TTC34: variants seen among roughly 807,000 people sequenced by gnomAD.
TTC34 encodes tetratricopeptide repeat protein 34.
In TTC34, 44 loss-of-function variants were observed where a neutral mutation model predicts 40.7. That is an observed-to-expected ratio of 1.08 (90% CI 0.85 to 1.39). The LOEUF (loss-of-function observed/expected upper bound fraction) is 1.39. Among genes scored for constraint, TTC34 ranks in the 40% most tolerant of loss-of-function variants. The pLI is 0.00. For synonymous variants in TTC34, 422 were observed against 398.6 expected (o/e 1.06, Z -0.70); for missense variants, 884 against 838.0 (o/e 1.05, Z -0.68).
rs928852778 is a variant in TTC34, at chr1:2,799,156, G to A, written c.784+888C>T. Among the ~76,000 whole-genome samples, 911 of 117,858 alleles carry A rather than the reference G, an allele frequency of 7.7e-3. 10 individuals carry two copies. The highest frequency in any genetic ancestry group is 0.027 in the African/African-American group (835 of 31,200). The allele number at this position is 117,858 out of a possible 152,430, so 77.3% of individuals were successfully genotyped here. A position where few individuals can be genotyped will look rare whatever the true frequency, so the allele number is the denominator to read the frequency against. Reference sequence around the variant, plus strand: ...CAGCCTCCCAGCCTCCTAGCCTCCCGGCCCCCCAGCCTCCCAGCCTCCCAG... The same window carrying A: ...CAGCCTCCCAGCCTCCTAGCCTCCCAGCCCCCCAGCCTCCCAGCCTCCCAG... On this transcript the variant is annotated intron_variant, in intron 2 of 8. Transcript: ENST00000401095.
intron 5 of TTC34, 93 bp downstream of exon 5, chr1:2,785,726 T>A: frequency 7.3e-7 from 1 of 1,364,572 alleles, no homozygotes; most frequent in Non-Finnish European, 9.8e-7. Flanking sequence ...CTGGGGAGCA[T>A]GCGTGTCCCC....
intron 2 of TTC34, among the ~76,000 whole-genome samples, chr1:2,797,243 G>A (rs1183170843): frequency 5.3e-5 from 8 of 151,882 alleles, no homozygotes; most frequent in Non-Finnish European, 1.0e-4. Flanking sequence ...CCACCCACTA[G>A]CTGTTCAGTA....
chr1:2,767,810 C>G (rs890278341), intron 6 of TTC34, among the ~76,000 whole-genome samples: 1 of 150,950 alleles, frequency 6.6e-6, no homozygotes, highest in Non-Finnish European at 1.5e-5. Flanking sequence ...CCCACACTCC[C>G]AGGTGAGCAT....
chr1:2,642,040 C>T (rs958490110), intron 8 of TTC34, 145 bp from the exon 9 acceptor site: 5 of 941,940 alleles, frequency 5.3e-6, no homozygotes, highest in Non-Finnish European at 7.5e-6. Context: ...AGGAGCTGCC[C>T]GCTGCTTCTG....
intron 6 of TTC34, among the ~76,000 whole-genome samples, chr1:2,675,198 C>A (rs1375486702): frequency 2.7e-5 from 4 of 148,954 alleles, no homozygotes; most frequent in Admixed American, 6.7e-5. Flanking sequence ...GCAGCACCGA[C>A]AACCCCAGGT....
At chr1:2,748,883 T>G (rs1298655764) in intron 6 of TTC34, among the ~76,000 whole-genome samples, 7 of 4,694 alleles carry the variant, frequency 1.5e-3, no homozygotes, top group East Asian at 9.4e-3. Context: ...ACCCACACCT[T>G]CAGGTGAGCA....
At chr1:2,778,458 C>A (rs1044669421) in intron 6 of TTC34, among the ~76,000 whole-genome samples, 1 of 152,196 alleles carries the variant, frequency 6.6e-6, no homozygotes, top group Non-Finnish European at 1.5e-5. Context: ...CCCTGCCGTG[C>A]ATCCTGTTGA....
chr1:2,681,931 G>A (rs61763513), intron 6 of TTC34, among the ~76,000 whole-genome samples: 1 of 116,150 alleles, frequency 8.6e-6, no homozygotes, highest in Non-Finnish European at 1.8e-5. Context: ...TGACAGCCTG[G>A]AACAGCACCA....
rs923022490 is a variant in TTC34 at position 2,644,206 on chromosome 1, C to G, written c.2712+58G>C. ...CTGCCCCAGTGGTGGGCCCGGGGGT[C>G]TCATGCCTGTGTGCTGGGGAAGGTT... On this transcript the variant is annotated intron_variant, in intron 8 of 8. Coordinates refer to ENST00000401095, the Ensembl canonical transcript of TTC34. The G allele has an allele frequency of 2.7e-6, 4 of 1,488,258 alleles. No individual in the cohort carries two copies. The South Asian group carries it at 3.7e-5, about 14-fold the overall frequency. The allele number at this position is 1,488,258 out of a possible 1,614,324, so 92.2% of individuals were successfully genotyped here. A position where few individuals can be genotyped will look rare whatever the true frequency, so the allele number is the denominator to read the frequency against.
intron 4 of TTC34, 139 bp downstream of exon 4, chr1:2,787,342 G>A: frequency 1.5e-6 from 1 of 684,292 alleles, no homozygotes; most frequent in Non-Finnish European, 2.2e-6. Flanking sequence ...TGCAGCAGGT[G>A]CAGAGCTGGG....
chr1:2,657,370 A>T (rs1188549443), intron 6 of TTC34, among the ~76,000 whole-genome samples: 1 of 95,740 alleles, frequency 1.0e-5, no homozygotes, highest in African/African-American at 3.1e-5. Context: ...AACTTGGAGC[A>T]GCACCCACAC....
intron 6 of TTC34, among the ~76,000 whole-genome samples, chr1:2,750,163 C>G (rs1372529169): frequency 3.5e-4 from 39 of 112,082 alleles, no homozygotes; most frequent in African/African-American, 6.8e-4. Flanking sequence ...AGAACAAACA[C>G]CCCCAGGCGA....
chr1:2,655,020 TGAGCA>T (rs1639291916), intron 6 of TTC34, among the ~76,000 whole-genome samples: 1 of 84,258 alleles, frequency 1.2e-5, no homozygotes. Flanking sequence ...CAACCCCAGG[TGAGCA>T]TCTGACAGCC....
intron 6 of TTC34, among the ~76,000 whole-genome samples, chr1:2,781,579 G>A (rs1643484008): frequency 1.3e-5 from 2 of 152,178 alleles, no homozygotes; most frequent in Admixed American, 6.5e-5. Context: ...AAGTGCAAAA[G>A]CAATCATCCT....
exon 2 of TTC34, chr1:2,800,790 C>T (rs533722362): frequency 1.8e-3 from 709 of 398,642 alleles, no homozygotes; most frequent in Non-Finnish European, 2.7e-3. Context: ...CTCCCCCTCC[C>T]GGCAGAGGCA....
At chr1:2,698,664 GCC>G (rs1640981092) in intron 6 of TTC34, among the ~76,000 whole-genome samples, 3 of 59,678 alleles carry the variant, frequency 5.0e-5, no homozygotes, top group African/African-American at 1.6e-4. Flanking sequence ...GCCAGCATCC[GCC>G]AGCCTGGAAC....
chr1:2,786,359 G>A (rs945151270), intron 4 of TTC34, among the ~76,000 whole-genome samples: 1 of 152,220 alleles, frequency 6.6e-6, no homozygotes, highest in Non-Finnish European at 1.5e-5. Context: ...CGTGTGTTGC[G>A]ATGTGGCCAT....
intron 6 of TTC34, chr1:2,776,379 C>A (rs540397951): frequency 1.4e-5 from 2 of 139,832 alleles, no homozygotes; most frequent in Non-Finnish European, 3.0e-5. Flanking sequence ...GGTGAGCATC[C>A]GACAGCCTGG....
exon 9 of TTC34, chr1:2,641,592 G>A: frequency 6.5e-7 from 1 of 1,533,654 alleles, no homozygotes; most frequent in Non-Finnish European, 8.7e-7. Context: ...GAGGGCGCCA[G>A]CTTCAGGGCC....
Sources: allele counts gnomAD v4.1 joint callset (sites outside exome capture counted in the v4.1 genomes callset), GRCh38; gene constraint gnomAD v4.1.1; transcripts MANE v1.5; gene names NCBI Gene and HGNC (gene_info 2026-07-23, HGNC 2026-07-21).